MARVELD1: variants seen among roughly 807,000 people sequenced by gnomAD.
MARVELD1 encodes the protein MARVEL domain containing 1, also known as MARVEL domain-containing protein 1.
In MARVELD1, 7 loss-of-function variants were observed where a neutral mutation model predicts 11.3. The observed-to-expected ratio is 0.62, with a 90% CI of 0.35 to 1.16. MARVELD1 has a LOEUF of 1.16. Ranked by LOEUF, MARVELD1 falls within the 50% of genes most tolerant of loss-of-function variation. The pLI is 0.02. For synonymous variants in MARVELD1, 119 were observed against 121.4 expected, an observed-to-expected ratio of 0.98 and a Z score of 0.13; for missense variants, 216 against 243.8, an observed-to-expected ratio of 0.89 and a Z score of 0.76.
In MARVELD1 at chr10:97,714,450, C is replaced by A. The variant is rs1233399584; in HGVS notation, c.*52C>A. 3.6e-5 allele frequency: 48 copies of A among 1,343,996 alleles called. No homozygotes were observed. Among genetic ancestry groups the A allele is most frequent in the Non-Finnish European group, 4.1e-5 (42 of 1,014,282 alleles). 83.3% of individuals were successfully genotyped at this position (1,343,996 alleles called of 1,614,324 possible). A position where few individuals can be genotyped will look rare whatever the true frequency, so the allele number is the denominator to read the frequency against. On this transcript the variant is annotated 3_prime_UTR_variant, in exon 1 of 2. Transcript: ENST00000285605. The surrounding 1 kb of genome is among the most constrained non-coding windows in gnomAD (Gnocchi z 7.4). ...ATCGGGGCGGGGGAATCCCCGGAGA[C>A]CAGCCTCCTTAATCCCTTCCCCCGC...
Position 97,714,072 on chromosome 10 carries a change from G to A in MARVELD1, c.196G>A (p.Val66Met), listed in dbSNP as rs1401432281. 1.3e-6 allele frequency: 2 copies of A among 1,536,912 alleles called. No homozygotes were observed. The highest frequency in any genetic ancestry group is 1.2e-5 in the South Asian group (1 of 84,066). ...CGTGCACTTCGCGCTCTTCGTGTCC[G>A]TGCTCTTCTGGCTGCTCACCCTGGG... ...GPVHFALFVS[V>M]LFWLLTLGLY... The change falls in exon 1 of 2, where the codon GTG (valine) becomes ATG (methionine). Residue 66 changes from valine to methionine, a missense_variant. Transcript: ENST00000285605. This position sits in a 1 kb window ranked among gnomAD's most constrained non-coding sequence, Gnocchi z 7.4.
chr10:97,714,149 C>T lies in MARVELD1; in HGVS notation c.273C>T (p.Gly91=), dbSNP rs1360940515. 3 of 1,536,812 alleles carry T rather than the reference C, an allele frequency of 2.0e-6. No individual in the cohort carries two copies. The highest frequency in any genetic ancestry group is 2.6e-6 in the Non-Finnish European group (3 of 1,146,714). The change falls in exon 1 of 2, where the codon GGC becomes GGT. Residue 91 remains glycine (G), a synonymous_variant. Coordinates refer to ENST00000285605, the MANE Select transcript of MARVELD1 (RefSeq NM_031484.4). This position sits in a 1 kb window ranked among gnomAD's most constrained non-coding sequence, Gnocchi z 7.4. ...AGCACGAGCTGGTCCCCGTGCTGGGCTCGCGCTGGCTCATGGTCAACGTGG... is the reference window on the plus strand; with the variant it reads ...AGCACGAGCTGGTCCCCGTGCTGGGTTCGCGCTGGCTCATGGTCAACGTGG... ...LGKHELVPVL[G]SRWLMVNVAH...
rs1168444063 is a variant in MARVELD1 at position 97,714,174 on chromosome 10, G to C, written c.298G>C (p.Ala100Pro). The change falls in exon 1 of 2, where the codon GCG becomes CCG. Residue 100 changes from alanine (A) to proline (P), a missense_variant. Ala to Pro is a conservative substitution (Grantham distance 27). Coordinates refer to ENST00000285605, the MANE Select transcript of MARVELD1 (RefSeq NM_031484.4). The surrounding 1 kb of genome is among the most constrained non-coding windows in gnomAD (Gnocchi z 7.4). ...LGSRWLMVNV[A>P]HDVLAAALYG... ...CTCGCGCTGGCTCATGGTCAACGTG[G>C]CGCACGATGTGCTGGCGGCCGCGCT... is the stretch of plus-strand genomic sequence containing the variant. 1 of 1,536,708 alleles carries C rather than the reference G, an allele frequency of 6.5e-7. No individual in the cohort carries two copies. The highest frequency in any genetic ancestry group is 8.7e-7 in the Non-Finnish European group (1 of 1,146,694).
Position 97,714,448 on chromosome 10 carries a change from G to T in MARVELD1, c.*50G>T. On this transcript the variant is annotated 3_prime_UTR_variant, in exon 1 of 2. Coordinates refer to ENST00000285605, the MANE Select transcript of MARVELD1 (RefSeq NM_031484.4). The surrounding 1 kb of genome is among the most constrained non-coding windows in gnomAD (Gnocchi z 7.4). The stretch of plus-strand genomic sequence containing the variant: ...CGATCGGGGCGGGGGAATCCCCGGA[G>T]ACCAGCCTCCTTAATCCCTTCCCCC... 7.4e-7 allele frequency: 1 copy of T among 1,355,802 alleles called. No individual in the cohort carries two copies. Among genetic ancestry groups the T allele is most frequent in the South Asian group, 1.5e-5 (1 of 67,246 alleles). 84.0% of individuals were successfully genotyped at this position (1,355,802 alleles called of 1,614,324 possible).
Position 97,714,094 on chromosome 10 carries a change from T to G in MARVELD1, c.218T>G (p.Leu73Arg), listed in dbSNP as rs2041893180. 1 of 1,536,816 alleles carries G rather than the reference T, an allele frequency of 6.5e-7. No homozygotes were observed. The highest frequency in any genetic ancestry group is 1.2e-5 in the South Asian group (1 of 84,068). The change falls in exon 1 of 2, where the codon CTG (leucine) becomes CGG (arginine). Residue 73 changes from leucine to arginine, a missense_variant. Transcript: ENST00000285605. The surrounding 1 kb of genome is among the most constrained non-coding windows in gnomAD (Gnocchi z 7.4). ...TCCGTGCTCTTCTGGCTGCTCACCCTGGGCCTCTACTTCCTCACGCTGCTG... is the reference window on the plus strand; with the variant it reads ...TCCGTGCTCTTCTGGCTGCTCACCCGGGGCCTCTACTTCCTCACGCTGCTG... The part of the protein sequence containing the change: ...FVSVLFWLLT[L>R]GLYFLTLLGK...
chr10:97,716,792 G>C (rs1416497903), intron 1 of MARVELD1, among the ~76,000 whole-genome samples: 2 of 152,094 alleles, frequency 1.3e-5, no homozygotes, highest in Non-Finnish European at 2.9e-5. Flanking sequence ...CAAATGAGGA[G>C]GTTGAATCCC....
rs934922443 is a variant in MARVELD1, at chr10:97,714,631, C to G, written c.*233C>G. On this transcript the variant is annotated 3_prime_UTR_variant, in exon 1 of 2. Coordinates refer to ENST00000285605, the MANE Select transcript of MARVELD1 (RefSeq NM_031484.4). This position sits in a 1 kb window ranked among gnomAD's most constrained non-coding sequence, Gnocchi z 7.4. ...CCAGAATCCCGACCGCCGCGCCGGACGCGCCGTCTCCCGGGACAAGCGCAG... is the reference window on the plus strand; with the variant it reads ...CCAGAATCCCGACCGCCGCGCCGGAGGCGCCGTCTCCCGGGACAAGCGCAG... 2 of 473,496 alleles carry G rather than the reference C, an allele frequency of 4.2e-6. No homozygotes were observed. The highest frequency in any genetic ancestry group is 4.1e-5 in the African/African-American group (2 of 48,394). 29.3% of individuals were successfully genotyped at this position (473,496 alleles called of 1,614,324 possible). A position where few individuals can be genotyped will look rare whatever the true frequency, so the allele number is the denominator to read the frequency against.
Position 97,715,566 on chromosome 10 carries a change from G to A in MARVELD1, c.*1168G>A, listed in dbSNP as rs1412931736. ...TGTTACAGAAATAATTTAGTTTGCT[G>A]TATTAACTGCTCCTGGGCCTGGAGC... On this transcript the variant is annotated 3_prime_UTR_variant, in exon 1 of 2. Transcript: ENST00000285605. 1 of 152,274 alleles carries A rather than the reference G, an allele frequency of 6.6e-6. No homozygotes were observed. 9.4% of individuals were successfully genotyped at this position (152,274 alleles called of 1,614,324 possible). A position where few individuals can be genotyped will look rare whatever the true frequency, so the allele number is the denominator to read the frequency against.
At chr10:97,716,763 T>C (rs946608575) in intron 1 of MARVELD1, among the ~76,000 whole-genome samples, 1 of 152,170 alleles carries the variant, frequency 6.6e-6, no homozygotes, top group African/African-American at 2.4e-5. Flanking sequence ...AGGTGGGTTC[T>C]AATGTCATTG....
chr10:97,714,730 T>G lies in MARVELD1; in HGVS notation c.*332T>G. On this transcript the variant is annotated 3_prime_UTR_variant, in exon 1 of 2. Coordinates refer to ENST00000285605, the MANE Select transcript of MARVELD1 (RefSeq NM_031484.4). The surrounding 1 kb of genome is among the most constrained non-coding windows in gnomAD (Gnocchi z 7.4). ...GCGAAACCTCGCGGTTCCTCTTCCC[T>G]TCCCTGCTGAGACTAAGACGTGGAC... 5.4e-5 allele frequency: 15 copies of G among 278,386 alleles called. No homozygotes were observed. The highest frequency in any genetic ancestry group is 6.7e-5 in the Non-Finnish European group (10 of 149,338). 17.2% of individuals were successfully genotyped at this position (278,386 alleles called of 1,614,324 possible).
Position 97,714,194 on chromosome 10 carries a change from C to A in MARVELD1, c.318C>A (p.Ala106=). 2 of 1,536,672 alleles carry A rather than the reference C, an allele frequency of 1.3e-6. No homozygotes were observed. The highest frequency in any genetic ancestry group is 2.4e-5 in the South Asian group (2 of 84,026). ...ACGTGGCGCACGATGTGCTGGCGGCCGCGCTCTACGGCGCCGCCACCGGCA... is the reference window on the plus strand; with the variant it reads ...ACGTGGCGCACGATGTGCTGGCGGCAGCGCTCTACGGCGCCGCCACCGGCA... The part of the protein sequence containing the change: ...MVNVAHDVLA[A]ALYGAATGIM... The change falls in exon 1 of 2, where the codon GCC becomes GCA. Residue 106 remains alanine, a synonymous_variant. Transcript: ENST00000285605. This position sits in a 1 kb window ranked among gnomAD's most constrained non-coding sequence, Gnocchi z 7.4.
intron 1 of MARVELD1, 120 bp downstream of exon 1, chr10:97,716,105 A>G (rs1171128505): frequency 1.3e-5 from 2 of 152,248 alleles, no homozygotes; most frequent in Non-Finnish European, 2.9e-5. Context: ...AGGTGACGGT[A>G]ATAACCACAA....
chr10:97,716,438 C>T (rs1325603395), intron 1 of MARVELD1, among the ~76,000 whole-genome samples: 2 of 152,188 alleles, frequency 1.3e-5, no homozygotes, highest in East Asian at 1.9e-4. Flanking sequence ...CCCGTCTCAG[C>T]CTCCCAGAGT....
chr10:97,716,901 T>G (rs1376486525), intron 1 of MARVELD1, among the ~76,000 whole-genome samples: 1 of 152,192 alleles, frequency 6.6e-6, no homozygotes, highest in Non-Finnish European at 1.5e-5. Flanking sequence ...CAGGCTATAC[T>G]CTATATAGTA....
Position 97,714,524 on chromosome 10 carries a change from G to C in MARVELD1, c.*126G>C, listed in dbSNP as rs761701746. The C allele has an allele frequency of 1.2e-5, 8 of 680,040 alleles. No individual in the cohort carries two copies. Among genetic ancestry groups the C allele is most frequent in the Middle Eastern group, 4.2e-4 (1 of 2,358 alleles). The allele number at this position is 680,040 out of a possible 1,614,324, so 42.1% of individuals were successfully genotyped here. Reference sequence around the variant, plus strand: ...TGGCACCCTCTCCCTGCCCTCCAGCGTTTCCACTGTCGCCCGCGCCCGGGA... The same window carrying C: ...TGGCACCCTCTCCCTGCCCTCCAGCCTTTCCACTGTCGCCCGCGCCCGGGA... On this transcript the variant is annotated 3_prime_UTR_variant, in exon 1 of 2. Transcript: ENST00000285605. This position sits in a 1 kb window ranked among gnomAD's most constrained non-coding sequence, Gnocchi z 7.4.
rs1206011155 is a variant in MARVELD1, at chr10:97,714,733, C to T, written c.*335C>T. ...AAACCTCGCGGTTCCTCTTCCCTTC[C>T]CTGCTGAGACTAAGACGTGGACAGG... is the stretch of plus-strand genomic sequence containing the variant. On this transcript the variant is annotated 3_prime_UTR_variant, in exon 1 of 2. Transcript: ENST00000285605. This position sits in a 1 kb window ranked among gnomAD's most constrained non-coding sequence, Gnocchi z 7.4. The T allele has an allele frequency of 3.5e-6, 1 of 287,264 alleles. No homozygotes were observed. Among genetic ancestry groups the T allele is most frequent in the Non-Finnish European group, 6.4e-6 (1 of 155,376 alleles). 17.8% of individuals were successfully genotyped at this position (287,264 alleles called of 1,614,324 possible).
chr10:97,716,061 A>G (rs1458466679), intron 1 of MARVELD1, 76 bp downstream of exon 1: 1 of 152,208 alleles, frequency 6.6e-6, no homozygotes, highest in Non-Finnish European at 1.5e-5. Flanking sequence ...CCTTTTCCAG[A>G]AGTTAAAGGG....
Position 97,714,045 on chromosome 10 carries a change from C to G in MARVELD1, c.169C>G (p.Pro57Ala), listed in dbSNP as rs1244130598. The G allele has an allele frequency of 8.5e-6, 13 of 1,536,838 alleles. No homozygotes were observed. Among genetic ancestry groups the G allele is most frequent in the East Asian group, 2.4e-5 (1 of 40,864 alleles). Residue 57 changes from proline (P) to alanine (A), a missense_variant, in exon 1 of 2, where the codon CCC (proline) becomes GCC (alanine). Coordinates refer to ENST00000285605, the MANE Select transcript of MARVELD1 (RefSeq NM_031484.4). This position sits in a 1 kb window ranked among gnomAD's most constrained non-coding sequence, Gnocchi z 7.4. ...TATCGCCACCAGCAAGTACCAGGGC[C>G]CCGTGCACTTCGCGCTCTTCGTGTC... ...ITIATSKYQGPVHFALFVSVL... is the reference protein window; with the variant it reads ...ITIATSKYQGAVHFALFVSVL...
Position 97,715,903 on chromosome 10 carries a change from A to T in MARVELD1, c.*1505A>T, listed in dbSNP as rs1484740854. On this transcript the variant is annotated 3_prime_UTR_variant, in exon 1 of 2. Transcript: ENST00000285605. ...GCAAGAGATCCCGGCACTGATCTGG[A>T]GCAGCTGACAGGGTGGGTCTCCCTT... The T allele has an allele frequency of 6.6e-6, 1 of 152,206 alleles. No homozygotes were observed. Among genetic ancestry groups the T allele is most frequent in the Non-Finnish European group, 1.5e-5 (1 of 68,050 alleles). The allele number at this position is 152,206 out of a possible 1,614,324, so 9.4% of individuals were successfully genotyped here. A position where few individuals can be genotyped will look rare whatever the true frequency, so the allele number is the denominator to read the frequency against.
Sources: gnomAD v4.1 joint callset for allele counts (sites outside exome capture counted in the v4.1 genomes callset) on GRCh38, gnomAD v4.1.1 for gene constraint, Gnocchi (gnomAD v3.1) non-coding constraint, MANE v1.5 for transcripts, NCBI Gene and HGNC (gene_info 2026-07-23, HGNC 2026-07-21) for gene names.